Variants in BFSP2 observed in about 807,000 individuals in gnomAD.
BFSP2 encodes the protein beaded filament structural protein 2.
Under a neutral mutation model 44.9 loss-of-function variants are expected in BFSP2, and 38 were observed. The observed-to-expected ratio is 0.85, with a 90% CI of 0.65 to 1.11. The LOEUF is 1.11. Among genes scored for constraint, BFSP2 ranks in the 50% least tolerant of loss-of-function variants. The probability of loss-of-function intolerance (pLI) is 0.00; values close to 1 mark genes in which losing one functional copy is unlikely to be tolerated. For synonymous variants in BFSP2, 197 were observed against 209.9 expected, an observed-to-expected ratio of 0.94 and a Z score of 0.53; for missense variants, 525 against 533.0, an observed-to-expected ratio of 0.99 and a Z score of 0.15.
chr3:133,442,700 T>C (rs1324867376), intron 1 of BFSP2, among the ~76,000 whole-genome samples: 2 of 151,996 alleles, frequency 1.3e-5, no homozygotes, highest in East Asian at 3.9e-4. Flanking sequence ...GGGGGTAGAA[T>C]TGACTAGACT....
intron 1 of BFSP2, among the ~76,000 whole-genome samples, chr3:133,438,240 A>G (rs1054942148): frequency 3.3e-5 from 5 of 152,224 alleles, no homozygotes; most frequent in Non-Finnish European, 7.3e-5. Flanking sequence ...TGAAAGAAAC[A>G]GTAAGGCCAG....
chr3:133,452,448 G>A (rs1438612542), intron 4 of BFSP2, among the ~76,000 whole-genome samples: 3 of 152,142 alleles, frequency 2.0e-5, no homozygotes, highest in Non-Finnish European at 4.4e-5. Flanking sequence ...TTCAAAAAAT[G>A]ACTTCCCCTC....
intron 1 of BFSP2, among the ~76,000 whole-genome samples, chr3:133,415,641 T>C (rs1323329728): frequency 3.4e-4 from 19 of 55,116 alleles, no homozygotes; most frequent in South Asian, 7.2e-4. Context: ...CCCCTCTACT[T>C]ACCCGTCATC....
chr3:133,474,397 C>A (rs1296316147), intron 6 of BFSP2, among the ~76,000 whole-genome samples: 5 of 152,242 alleles, frequency 3.3e-5, no homozygotes, highest in African/African-American at 1.2e-4. Context: ...CTCTCTCCAA[C>A]TGTGTAACCT....
At chr3:133,415,597 G>C (rs1446397932) in intron 1 of BFSP2, among the ~76,000 whole-genome samples, 42 of 7,696 alleles carry the variant, frequency 5.5e-3, no homozygotes, top group Non-Finnish European at 6.0e-3. Context: ...TGCCCCCTCC[G>C]CTCTACTCAC....
chr3:133,416,711 A>C (rs1217165351), intron 1 of BFSP2, among the ~76,000 whole-genome samples: 13 of 30,794 alleles, frequency 4.2e-4, no homozygotes, highest in Admixed American at 9.0e-4. Context: ...TACTCTCCCC[A>C]TCCTCTCCCC....
chr3:133,437,246 T>G (rs978702371), intron 1 of BFSP2, among the ~76,000 whole-genome samples: 1 of 152,160 alleles, frequency 6.6e-6, no homozygotes, highest in Admixed American at 6.5e-5. Flanking sequence ...AACTGAGGGC[T>G]GGGCACAGTG....
chr3:133,406,043 C>T lies in BFSP2; in HGVS notation c.489+5471C>T, dbSNP rs180772786. Among the ~76,000 whole-genome samples, 68 of 152,084 alleles carry T rather than the reference C, an allele frequency of 4.5e-4. 1 individual carries two copies. Among genetic ancestry groups the T allele is most frequent in the African/African-American group, 1.4e-3 (59 of 41,474 alleles). On this transcript the variant is annotated intron_variant, in intron 1 of 6. Coordinates refer to ENST00000302334, the MANE Select transcript of BFSP2 (RefSeq NM_003571.4). ...TCGGCTCACTGCAACCTCCGCCTCC[C>T]GGGTTTAAGCGATTCTCCTGCCTCA...
chr3:133,431,816 CA>C (rs1231978891), intron 1 of BFSP2, among the ~76,000 whole-genome samples: 2 of 152,150 alleles, frequency 1.3e-5, no homozygotes, highest in Non-Finnish European at 2.9e-5. Context: ...ACTCTGGTGC[CA>C]ACTTAGACAA....
At chr3:133,401,980 C>T (rs1010182503) in intron 1 of BFSP2, among the ~76,000 whole-genome samples, 1 of 152,196 alleles carries the variant, frequency 6.6e-6, no homozygotes, top group Non-Finnish European at 1.5e-5. Context: ...GTTCTGCTTG[C>T]ATCCATCTGG....
chr3:133,460,383 A>G (rs1293918747), intron 4 of BFSP2, among the ~76,000 whole-genome samples: 5 of 152,206 alleles, frequency 3.3e-5, no homozygotes, highest in Non-Finnish European at 7.3e-5. Flanking sequence ...GTTAGTTTGA[A>G]CTGGACAGAC....
chr3:133,438,474 G>T (rs535490656), intron 1 of BFSP2, among the ~76,000 whole-genome samples: 1 of 152,332 alleles, frequency 6.6e-6, no homozygotes, highest in African/African-American at 2.4e-5. Context: ...GGCAGAGGTT[G>T]CAGTGAGCTG....
chr3:133,446,393 C>G (rs1285724637), intron 1 of BFSP2, among the ~76,000 whole-genome samples: 1 of 151,158 alleles, frequency 6.6e-6, no homozygotes, highest in Admixed American at 6.6e-5. Flanking sequence ...TGCACTCCAG[C>G]CTGGGCAACA....
chr3:133,473,750 T>A (rs1215449454), intron 6 of BFSP2, among the ~76,000 whole-genome samples: 1 of 151,948 alleles, frequency 6.6e-6, no homozygotes, highest in African/African-American at 2.4e-5. Context: ...ACACAGCACA[T>A]GTTTCAGAGA....
chr3:133,428,258 G>A (rs1185359602), intron 1 of BFSP2, among the ~76,000 whole-genome samples: 2 of 152,114 alleles, frequency 1.3e-5, no homozygotes, highest in Admixed American at 6.5e-5. Context: ...GGAGAAACCC[G>A]CAAGAGGCAG....
At chr3:133,465,076 G>A (rs1216283016) in intron 4 of BFSP2, among the ~76,000 whole-genome samples, 1 of 150,744 alleles carries the variant, frequency 6.6e-6, no homozygotes, top group East Asian at 2.0e-4. Flanking sequence ...TGCCATCTCG[G>A]CTCACTGCAA....
chr3:133,405,039 C>T (rs1216163519), intron 1 of BFSP2, among the ~76,000 whole-genome samples: 1 of 152,158 alleles, frequency 6.6e-6, no homozygotes, highest in Non-Finnish European at 1.5e-5. Flanking sequence ...CCCTTTCATC[C>T]TCAAATAGGC....
rs1288797888 is a variant in BFSP2, at chr3:133,400,234, G to C, written c.151G>C (p.Val51Leu). The C allele has an allele frequency of 6.2e-7, 1 of 1,613,888 alleles. No homozygotes were observed. Among genetic ancestry groups the C allele is most frequent in the Non-Finnish European group, 8.5e-7 (1 of 1,179,960 alleles). ...ASRTNAMSGLVRAPGVYVGTA... is the reference protein window; with the variant it reads ...ASRTNAMSGLLRAPGVYVGTA... Reference sequence around the variant, plus strand: ...CAGGACCAATGCCATGAGTGGCCTTGTCCGAGCACCCGGGGTCTATGTAGG... The same window carrying C: ...CAGGACCAATGCCATGAGTGGCCTTCTCCGAGCACCCGGGGTCTATGTAGG... The change falls in exon 1 of 7, where the codon GTC (valine) becomes CTC (leucine). Residue 51 changes from valine (V) to leucine (L), a missense_variant. Transcript: ENST00000302334. This position sits in a 1 kb window ranked among gnomAD's most constrained non-coding sequence, Gnocchi z 4.0.
intron 6 of BFSP2, among the ~76,000 whole-genome samples, chr3:133,473,346 A>G (rs2074184264): frequency 6.9e-6 from 1 of 144,132 alleles, no homozygotes; most frequent in East Asian, 2.1e-4. Context: ...TTTTGTCTTT[A>G]TCTTTGTCAC....
Sources: gnomAD v4.1 joint callset for allele counts (sites outside exome capture counted in the v4.1 genomes callset) on GRCh38, gnomAD v4.1.1 for gene constraint, Gnocchi (gnomAD v3.1) non-coding constraint, MANE v1.5 for transcripts, NCBI Gene and HGNC (gene_info 2026-07-23, HGNC 2026-07-21) for gene names.